Variants in NOSTRIN observed in about 807,000 individuals in gnomAD.
The protein encoded by NOSTRIN is BM247 homolog.
A neutral mutation model predicts 59.0 loss-of-function variants in NOSTRIN; 63 were observed. The observed-to-expected ratio is 1.07, with a 90% CI of 0.87 to 1.32. The LOEUF is 1.32. NOSTRIN is among the 40% of genes most tolerant of loss of function. The pLI, the probability that NOSTRIN is intolerant of heterozygous loss-of-function variation, is 0.00. For synonymous variants in NOSTRIN, 200 were observed against 165.4 expected (o/e 1.21, Z -1.61); for missense variants, 512 against 473.1 (o/e 1.08, Z -0.76).
chr2:168,792,904 A>G (rs1412398887), intron 2 of NOSTRIN, among the ~76,000 whole-genome samples: 1 of 152,224 alleles, frequency 6.6e-6, no homozygotes, highest in Non-Finnish European at 1.5e-5. Flanking sequence ...TTCCATTTAC[A>G]TAACAGGAAA....
intron 11 of NOSTRIN, 54 bp downstream of exon 11, chr2:168,855,514 G>A: frequency 2.0e-6 from 2 of 975,824 alleles, no homozygotes; most frequent in Non-Finnish European, 3.2e-6. Context: ...ATGCTCAGAG[G>A]TTTCATTCAG....
chr2:168,793,810 C>T (rs998692539), upstream of NOSTRIN, among the ~76,000 whole-genome samples: 3 of 152,142 alleles, frequency 2.0e-5, no homozygotes, highest in Non-Finnish European at 2.9e-5. Flanking sequence ...GTGCTCAAAG[C>T]ATTCTTGAGA....
chr2:168,860,958 A>G, intron 14 of NOSTRIN, 49 bp downstream of exon 14: 1 of 1,154,388 alleles, frequency 8.7e-7, no homozygotes, highest in Non-Finnish European at 1.3e-6. Context: ...CTGGCAGGGC[A>G]CATTGCTACA....
At chr2:168,790,948 T>C (rs1323404796) in intron 2 of NOSTRIN, among the ~76,000 whole-genome samples, 1 of 152,240 alleles carries the variant, frequency 6.6e-6, no homozygotes, top group African/African-American at 2.4e-5. Flanking sequence ...AATTTGTTTG[T>C]AACTTTGAGA....
At chr2:168,849,494 G>A (rs988851222) in intron 8 of NOSTRIN, among the ~76,000 whole-genome samples, 2 of 151,280 alleles carry the variant, frequency 1.3e-5, no homozygotes, top group East Asian at 1.9e-4. Context: ...TAGCTGGGAC[G>A]ACAGGCGCCC....
In NOSTRIN at chr2:168,851,073, A is replaced by G. The variant is rs1688738222; in HGVS notation, c.631-11A>G. On this transcript the variant is annotated splice_polypyrimidine_tract_variant and intron_variant, in intron 8 of 15. Coordinates refer to ENST00000317647, the MANE Select transcript of NOSTRIN (RefSeq NM_001039724.4). ...ACTGGCTGATCTTACCCCAATTTTC[A>G]TTCTTTTCAGAGCATTCTGGAGCTG... 6.9e-7 allele frequency: 1 copy of G among 1,441,786 alleles called. No individual in the cohort carries two copies. The highest frequency in any genetic ancestry group is 9.8e-7 in the Non-Finnish European group (1 of 1,022,656). The allele number at this position is 1,441,786 out of a possible 1,614,324, so 89.3% of individuals were successfully genotyped here.
At chr2:168,816,468 A>G (rs1686409762) in intron 2 of NOSTRIN, among the ~76,000 whole-genome samples, 1 of 151,540 alleles carries the variant, frequency 6.6e-6, no homozygotes, top group South Asian at 2.1e-4. Flanking sequence ...ATCCCACCCC[A>G]TTTGCACCCC....
At chr2:168,801,474 C>T (rs76233100), upstream of NOSTRIN, among the ~76,000 whole-genome samples, 1 of 152,060 alleles carries the variant, frequency 6.6e-6, no homozygotes, top group Admixed American at 6.6e-5. Context: ...CCTCTAGGCT[C>T]GGCCTCCCAA....
chr2:168,816,034 C>G (rs1686378422), intron 2 of NOSTRIN, among the ~76,000 whole-genome samples: 1 of 152,192 alleles, frequency 6.6e-6, no homozygotes, highest in Non-Finnish European at 1.5e-5. Context: ...TTCCACTGTT[C>G]TGGCAAAACT....
intron 2 of NOSTRIN, among the ~76,000 whole-genome samples, chr2:168,818,605 A>G (rs937667026): frequency 2.0e-5 from 3 of 152,218 alleles, no homozygotes; most frequent in African/African-American, 4.8e-5. Context: ...TTAGCGCTTT[A>G]TCTAAAATAT....
chr2:168,820,126 A>G (rs999659027), intron 2 of NOSTRIN, among the ~76,000 whole-genome samples: 2 of 152,144 alleles, frequency 1.3e-5, no homozygotes, highest in Non-Finnish European at 2.9e-5. Context: ...TCCATCTGCA[A>G]TCTCTTCCCC....
intron 2 of NOSTRIN, among the ~76,000 whole-genome samples, chr2:168,819,624 A>G (rs1574274886): frequency 6.6e-6 from 1 of 152,118 alleles, no homozygotes; most frequent in African/African-American, 2.4e-5. Context: ...TCCCCATCAC[A>G]TTTCATTTCC....
At chr2:168,798,647 G>A (rs560880522), upstream of NOSTRIN, among the ~76,000 whole-genome samples, 6 of 152,274 alleles carry the variant, frequency 3.9e-5, no homozygotes, top group South Asian at 8.3e-4. Flanking sequence ...AAATCTAACC[G>A]GAAGCCAGGC....
intron 1 of NOSTRIN, 22 bp downstream of exon 1, chr2:168,802,695 G>A (rs1685656554): frequency 1.2e-6 from 1 of 867,526 alleles, no homozygotes; most frequent in Non-Finnish European, 2.0e-6. Flanking sequence ...AGTGTGGTTT[G>A]TGTGCCTGCG....
intron 7 of NOSTRIN, among the ~76,000 whole-genome samples, chr2:168,840,455 C>T (rs58865377): frequency 1.3e-5 from 2 of 149,478 alleles, no homozygotes; most frequent in South Asian, 2.1e-4. Flanking sequence ...GCGTGAACCC[C>T]GGAGGCGGAG....
chr2:168,837,922 G>A (rs1687835018), intron 7 of NOSTRIN, among the ~76,000 whole-genome samples: 1 of 151,770 alleles, frequency 6.6e-6, no homozygotes, highest in Non-Finnish European at 1.5e-5. Context: ...TTCTTTATGG[G>A]CTCCCTTTTT....
At chr2:168,801,382 T>C (rs982567210), upstream of NOSTRIN, among the ~76,000 whole-genome samples, 1 of 149,146 alleles carries the variant, frequency 6.7e-6, no homozygotes, top group Non-Finnish European at 1.5e-5. Context: ...CACCACATCC[T>C]AATTAAAAAA....
At chr2:168,827,563 T>C (rs1687122384) in intron 3 of NOSTRIN, among the ~76,000 whole-genome samples, 1 of 152,070 alleles carries the variant, frequency 6.6e-6, no homozygotes. Context: ...TTACTTATTT[T>C]TTTCTTTTTG....
At chr2:168,798,844 C>CAGAA (rs1400552563), upstream of NOSTRIN, among the ~76,000 whole-genome samples, 1 of 152,044 alleles carries the variant, frequency 6.6e-6, no homozygotes. Flanking sequence ...GACAGACAGA[C>CAGAA]AGAAGATAGT....
Sources: gnomAD v4.1 joint callset for allele counts (sites outside exome capture counted in the v4.1 genomes callset) on GRCh38, gnomAD v4.1.1 for gene constraint, MANE v1.5 for transcripts, NCBI Gene and HGNC (gene_info 2026-07-23, HGNC 2026-07-21) for gene names.